The following IPO11 variants were observed in gnomAD, a reference collection of about 807,000 sequenced individuals.
IPO11 encodes importin 11, also known as importin-11.
A neutral mutation model predicts 143.2 loss-of-function variants in IPO11; 66 were observed. The observed-to-expected ratio is 0.46, with a 90% confidence interval of 0.38 to 0.57. The LOEUF (loss-of-function observed/expected upper bound fraction) is 0.57. Among genes scored for constraint, IPO11 ranks in the 20% least tolerant of loss-of-function variants. IPO11 has a pLI of 0.00. For synonymous variants in IPO11, 385 were observed against 377.8 expected (o/e 1.02, Z -0.22); for missense variants, 1,026 against 1,141.0 (o/e 0.90, Z 1.45).
chr5:62,580,134 A>G, intron 27 of IPO11: 1 of 1,551,100 alleles, frequency 6.4e-7, no homozygotes, highest in Non-Finnish European at 8.7e-7. Flanking sequence ...GTCTTAGAAG[A>G]CTTTCTTTGT....
chr5:62,452,015 T>G (rs1404840697), intron 5 of IPO11, 82 bp downstream of exon 5: 2 of 1,096,870 alleles, frequency 1.8e-6, no homozygotes, highest in African/African-American at 3.1e-5. Context: ...TCTCAGCACT[T>G]TGGGAGGCCG....
At position 62,455,513 on chromosome 5, in the gene IPO11, A is replaced by T. The variant is rs140461899; in HGVS notation, c.516+3580A>T. 7.8e-4 allele frequency among the ~76,000 whole-genome samples: 118 copies of T among 152,246 alleles called. No individual in the cohort carries two copies. In the Middle Eastern group the frequency reaches 0.01, roughly 13 times the overall value. ...ACTCCAGCCTAGACGACAGAGAGAG[A>T]GTGTCTCAAAAGAAGAAAAAAATAT... On this transcript the variant is annotated intron_variant, in intron 5 of 29. Transcript: ENST00000325324.
Position 62,586,759 on chromosome 5 carries a change from AAAAAAAAAAATATATATATAT to A in IPO11, c.2583-4816_2583-4796del, listed in dbSNP as rs1334322646. ...AGAGCAAAACTCAGTCTCCAAAAAA[AAAAAAAAAAATATATATATAT>A]ATATATATATATATATATATATTCA... On this transcript the variant is annotated intron_variant, in intron 27 of 29. Coordinates refer to ENST00000325324, the MANE Select transcript of IPO11 (RefSeq NM_016338.5). Among the ~76,000 whole-genome samples the A allele has an allele frequency of 1.7e-3, 159 of 91,572 alleles. 2 individuals carry two copies. The highest frequency in any genetic ancestry group is 6.4e-3 in the African/African-American group (151 of 23,656). The allele number at this position is 91,572 out of a possible 152,430, so 60.1% of individuals were successfully genotyped here.
intron 29 of IPO11, among the ~76,000 whole-genome samples, chr5:62,612,200 A>G (rs917908518): frequency 6.6e-6 from 1 of 152,206 alleles, no homozygotes; most frequent in Non-Finnish European, 1.5e-5. Flanking sequence ...TAATTCAGTG[A>G]ACCAGTATTT....
chr5:62,536,442 CATTT>C (rs111535340), intron 22 of IPO11, among the ~76,000 whole-genome samples: 66,554 of 148,686 alleles, frequency 0.45, 15,447 homozygotes, highest in African/African-American at 0.62. Context: ...TTCATTCATT[CATTT>C]ATTCATTCAT....
intron 1 of IPO11, among the ~76,000 whole-genome samples, chr5:62,430,405 T>C (rs1486020239): frequency 6.6e-6 from 1 of 152,076 alleles, no homozygotes; most frequent in African/African-American, 2.4e-5. Context: ...TAGTGGGCCT[T>C]GACCTCCAGG....
chr5:62,568,203 A>G (rs367618912), intron 27 of IPO11, among the ~76,000 whole-genome samples: 2 of 151,436 alleles, frequency 1.3e-5, no homozygotes, highest in Non-Finnish European at 2.9e-5. Flanking sequence ...AGCTCAAGCT[A>G]TCCACCCACC....
At chr5:62,507,468 C>CCT (rs1741592913) in intron 19 of IPO11, among the ~76,000 whole-genome samples, 4 of 152,026 alleles carry the variant, frequency 2.6e-5, no homozygotes, top group Admixed American at 2.6e-4. Flanking sequence ...CATTTTAAGT[C>CCT]CTTGCCTCTG....
chr5:62,420,604 G>A (rs1743479455), intron 1 of IPO11, among the ~76,000 whole-genome samples: 1 of 149,260 alleles, frequency 6.7e-6, no homozygotes, highest in African/African-American at 2.5e-5. Context: ...TTTTGAGACA[G>A]GGTCTCACTC....
In IPO11 at chr5:62,627,402, A is replaced by G; in HGVS notation, c.*84A>G. The G allele has an allele frequency of 7.9e-7, 1 of 1,273,264 alleles. No individual in the cohort carries two copies. The highest frequency in any genetic ancestry group is 1.1e-6 in the Non-Finnish European group (1 of 922,538). 78.9% of individuals were successfully genotyped at this position (1,273,264 alleles called of 1,614,324 possible). A position where few individuals can be genotyped will look rare whatever the true frequency, so the allele number is the denominator to read the frequency against. ...CGTTTGTATGTGAGAGCCTGCTGAG[A>G]TGAAGAAATCACTTCATGAAAATAA... On this transcript the variant is annotated 3_prime_UTR_variant, in exon 30 of 30. Transcript: ENST00000325324.
At chr5:62,455,324 A>G (rs946018801) in intron 5 of IPO11, among the ~76,000 whole-genome samples, 1 of 152,204 alleles carries the variant, frequency 6.6e-6, no homozygotes, top group African/African-American at 2.4e-5. Context: ...GTTCGAGACC[A>G]GCCTGGGCAA....
chr5:62,506,552 TA>T (rs918499371), intron 19 of IPO11, among the ~76,000 whole-genome samples, 195 bp downstream of exon 19: 25 of 149,324 alleles, frequency 1.7e-4, no homozygotes, highest in African/African-American at 4.2e-4. Flanking sequence ...ATTAAAATAC[TA>T]AAAAAAAAAT....
intron 26 of IPO11, among the ~76,000 whole-genome samples, chr5:62,555,900 C>G (rs74716924): frequency 0.092 from 13,989 of 152,004 alleles, 660 homozygotes; most frequent in South Asian, 0.15. Context: ...TACTCCTGCC[C>G]CTGTCTCACA....
At chr5:62,561,054 T>C (rs1362274619) in intron 26 of IPO11, 82 bp from the exon 27 acceptor site, 7 of 1,243,630 alleles carry the variant, frequency 5.6e-6, no homozygotes, top group Middle Eastern at 2.0e-4. Flanking sequence ...CCATGACTTA[T>C]GAGGCTTTAG....
intron 18 of IPO11, among the ~76,000 whole-genome samples, chr5:62,505,187 C>T (rs1217270710): frequency 6.6e-6 from 1 of 151,408 alleles, no homozygotes; most frequent in Non-Finnish European, 1.5e-5. Context: ...CATCTAGTAT[C>T]TTCATTTTAT....
At chr5:62,444,126 C>T (rs1010776518) in intron 3 of IPO11, among the ~76,000 whole-genome samples, 5 of 146,232 alleles carry the variant, frequency 3.4e-5, no homozygotes, top group Admixed American at 7.0e-5. Flanking sequence ...GACGGAGTCT[C>T]GCTCTGTTGC....
At chr5:62,467,357 C>A in intron 6 of IPO11, 94 bp downstream of exon 6, 2 of 1,316,312 alleles carry the variant, frequency 1.5e-6, no homozygotes, top group Non-Finnish European at 2.1e-6. Context: ...TTCCCAGTTT[C>A]ACTGGAAAAA....
chr5:62,473,851 A>G (rs1319636020), intron 7 of IPO11, among the ~76,000 whole-genome samples: 6 of 152,176 alleles, frequency 3.9e-5, no homozygotes, highest in Non-Finnish European at 4.4e-5. Flanking sequence ...TAGCTGGTAT[A>G]TGTTGATGCC....
At chr5:62,435,114 A>ATATATATGTATATATATGTATATG (rs1561308819) in intron 1 of IPO11, among the ~76,000 whole-genome samples, 6 of 102,310 alleles carry the variant, frequency 5.9e-5, no homozygotes, top group Non-Finnish European at 9.2e-5. Flanking sequence ...ATATATGTAT[A>ATATATATGTATATATATGTATATG]TATGTATATA....
Sources: allele counts gnomAD v4.1 joint callset (sites outside exome capture counted in the v4.1 genomes callset), GRCh38; gene constraint gnomAD v4.1.1; transcripts MANE v1.5; gene names NCBI Gene and HGNC (gene_info 2026-07-23, HGNC 2026-07-21).